ASXL3: variants seen among roughly 807,000 people sequenced by gnomAD.
ASXL3 encodes putative Polycomb group protein ASXL3.
A neutral mutation model predicts 170.6 loss-of-function variants in ASXL3; 34 were observed. That is an observed-to-expected ratio of 0.20 (90% CI 0.15 to 0.27). ASXL3 has a LOEUF of 0.27. ASXL3 is among the 10% of genes least tolerant of loss of function. The pLI is 1.00. For synonymous variants in ASXL3, 1,002 were observed against 989.1 expected, an observed-to-expected ratio of 1.01 and a Z score of -0.24; for missense variants, 2,592 against 2,695.3, an observed-to-expected ratio of 0.96 and a Z score of 0.85.
chr18:33,640,218 A>T (rs2065825168), intron 2 of ASXL3, among the ~76,000 whole-genome samples: 1 of 152,054 alleles, frequency 6.6e-6, no homozygotes, highest in Non-Finnish European at 1.5e-5. Flanking sequence ...ATCATTTTGT[A>T]TTGGAATTAT....
At chr18:33,715,850 C>T (rs1297329300) in intron 8 of ASXL3, among the ~76,000 whole-genome samples, 1 of 152,056 alleles carries the variant, frequency 6.6e-6, no homozygotes, top group Non-Finnish European at 1.5e-5. Flanking sequence ...AGAATGTAGC[C>T]ATTATGTCAG....
At chr18:33,629,712 A>G (rs186846651) in intron 2 of ASXL3, among the ~76,000 whole-genome samples, 12 of 152,214 alleles carry the variant, frequency 7.9e-5, no homozygotes, top group Admixed American at 7.9e-4. Context: ...AATAATGCAC[A>G]GGAAATCTTA....
intron 4 of ASXL3, among the ~76,000 whole-genome samples, chr18:33,648,779 A>G (rs1420962798): frequency 6.6e-6 from 1 of 152,122 alleles, no homozygotes; most frequent in Admixed American, 6.6e-5. Flanking sequence ...TGAGACTGAA[A>G]GTAAATGGAC....
intron 8 of ASXL3, among the ~76,000 whole-genome samples, chr18:33,714,961 A>T (rs1201684688): frequency 9.9e-5 from 15 of 152,156 alleles, no homozygotes; most frequent in Admixed American, 6.5e-4. Context: ...CCTAACAAGG[A>T]CAGCTGATTG....
chr18:33,689,450 A>C (rs966329420), intron 8 of ASXL3, among the ~76,000 whole-genome samples: 1 of 152,242 alleles, frequency 6.6e-6, no homozygotes, highest in African/African-American at 2.4e-5. Context: ...TAGCAACAGC[A>C]TCCAGTACTA....
In ASXL3 at chr18:33,616,398, CTGTGTGTGTGTG is replaced by C. The variant is rs34006188; in HGVS notation, c.137+8742_137+8753del. On this transcript the variant is annotated intron_variant, in intron 2 of 11. Transcript: ENST00000269197. Reference sequence around the variant, plus strand: ...GAAATTCAAGGACTGTTGTGTGTGCCTGTGTGTGTGTGTGTGTGTGTGTGTGTGTGTACACGT... The same window carrying C: ...GAAATTCAAGGACTGTTGTGTGTGCCTGTGTGTGTGTGTGTGTGTACACGT... Among the ~76,000 whole-genome samples, 15 of 149,652 alleles carry C rather than the reference CTGTGTGTGTGTG, an allele frequency of 1.0e-4. No homozygotes were observed. The East Asian group carries it at 1.2e-3, about 12-fold the overall frequency.
intron 11 of ASXL3, among the ~76,000 whole-genome samples, chr18:33,741,423 A>T (rs962749425): frequency 3.3e-5 from 5 of 152,192 alleles, no homozygotes; most frequent in African/African-American, 1.2e-4. Context: ...TAATTAATAA[A>T]TTAAGCACTG....
At position 33,642,402 on chromosome 18, in the gene ASXL3, G is replaced by A. The variant is rs1006491407; in HGVS notation, c.138-2492G>A. On this transcript the variant is annotated intron_variant, in intron 2 of 11. Transcript: ENST00000269197. ...TTTTTCATTGTTTTTTTAAAAAAAC[G>A]GACCAGAATAACTAGTTTTTCCTCC... 7.3e-5 allele frequency among the ~76,000 whole-genome samples: 11 copies of A among 151,558 alleles called. No homozygotes were observed. The East Asian group carries it at 7.8e-4, about 11-fold the overall frequency.
At chr18:33,676,490 C>G (rs1267718085) in intron 7 of ASXL3, among the ~76,000 whole-genome samples, 2 of 152,082 alleles carry the variant, frequency 1.3e-5, no homozygotes, top group Non-Finnish European at 2.9e-5. Context: ...ATGTATTTCT[C>G]TGATGAGGTT....
At chr18:33,707,393 C>T (rs1023628656) in intron 8 of ASXL3, among the ~76,000 whole-genome samples, 3 of 151,882 alleles carry the variant, frequency 2.0e-5, no homozygotes, top group Non-Finnish European at 4.4e-5. Flanking sequence ...CTTAATTTCT[C>T]TCAATATTTC....
intron 11 of ASXL3, among the ~76,000 whole-genome samples, chr18:33,741,933 A>G (rs945549399): frequency 2.5e-4 from 38 of 152,228 alleles, no homozygotes; most frequent in African/African-American, 8.9e-4. Flanking sequence ...CAGCCTTGCT[A>G]TGGAATGCTG....
chr18:33,740,008 C>A lies in ASXL3; in HGVS notation c.2604C>A (p.Val868=). The A allele has an allele frequency of 6.2e-7, 1 of 1,613,808 alleles. No homozygotes were observed. Among genetic ancestry groups the A allele is most frequent in the South Asian group, 1.1e-5 (1 of 91,074 alleles). ...TGATAAAAGTTAAAAATCATAGCGT[C>A]CTGCAAAGAACAGAAAAAAAAGTGT... ...TEMIKVKNHS[V]LQRTEKKVLP... The change falls in exon 11 of 12, where the codon GTC becomes GTA. Residue 868 remains valine, a synonymous_variant. Transcript: ENST00000269197.
intron 2 of ASXL3, among the ~76,000 whole-genome samples, chr18:33,638,588 A>G (rs899974470): frequency 2.6e-5 from 4 of 152,194 alleles, no homozygotes; most frequent in African/African-American, 9.7e-5. Flanking sequence ...TTCAAGTTAG[A>G]TTAAATAGAG....
chr18:33,579,335 G>T lies in ASXL3; in HGVS notation c.54+650G>T, dbSNP rs189018960. Among the ~76,000 whole-genome samples, 20 of 152,302 alleles carry T rather than the reference G, an allele frequency of 1.3e-4. No homozygotes were observed. The East Asian group carries it at 3.3e-3, about 25-fold the overall frequency. Reference sequence around the variant, plus strand: ...ATGTTTGTGTGTACATTCTGTGCACGTGTGTGCAATTTGTGAGTGTGTTTC... The same window carrying T: ...ATGTTTGTGTGTACATTCTGTGCACTTGTGTGCAATTTGTGAGTGTGTTTC... On this transcript the variant is annotated intron_variant, in intron 1 of 11. Transcript: ENST00000269197.
In ASXL3 at chr18:33,744,432, T is replaced by C; in HGVS notation, c.4584T>C (p.Val1528=). The C allele has an allele frequency of 6.2e-7, 1 of 1,613,778 alleles. No individual in the cohort carries two copies. Among genetic ancestry groups the C allele is most frequent in the Non-Finnish European group, 8.5e-7 (1 of 1,179,822 alleles). ...CTGTGATTAGCAGGCCTGAGCCAGTTGCCAACGAAGGTATAGATCACAGTT... is the reference window on the plus strand; with the variant it reads ...CTGTGATTAGCAGGCCTGAGCCAGTCGCCAACGAAGGTATAGATCACAGTT... ...QVSVISRPEP[V]ANEGIDHSST... The change falls in exon 12 of 12, where the codon GTT becomes GTC. Residue 1528 remains valine (V), a synonymous_variant. Transcript: ENST00000269197.
intron 2 of ASXL3, among the ~76,000 whole-genome samples, chr18:33,636,020 A>G (rs1210371757): frequency 3.9e-5 from 6 of 152,174 alleles, no homozygotes; most frequent in South Asian, 4.1e-4. Context: ...GGTGTAAACA[A>G]TTTTCAAAGA....
At chr18:33,600,328 A>G (rs2065171312) in intron 1 of ASXL3, among the ~76,000 whole-genome samples, 1 of 152,170 alleles carries the variant, frequency 6.6e-6, no homozygotes, top group African/African-American at 2.4e-5. Context: ...AGTGTTTGTA[A>G]TTTAACATTA....
intron 2 of ASXL3, among the ~76,000 whole-genome samples, chr18:33,612,967 A>G (rs1044196789): frequency 1.3e-5 from 2 of 152,070 alleles, no homozygotes; most frequent in African/African-American, 4.8e-5. Flanking sequence ...GTTAACATCT[A>G]ATTCTCTCAT....
intron 9 of ASXL3, 39 bp downstream of exon 9, chr18:33,732,103 G>GTACACA: frequency 6.7e-7 from 1 of 1,499,128 alleles, no homozygotes; most frequent in Non-Finnish European, 9.3e-7. Context: ...ACATATTGGA[G>GTACACA]TACACATACC....
Sources: allele counts gnomAD v4.1 joint callset (sites outside exome capture counted in the v4.1 genomes callset), GRCh38; gene constraint gnomAD v4.1.1; transcripts MANE v1.5; gene names NCBI Gene and HGNC (gene_info 2026-07-23, HGNC 2026-07-21).